The following ADCY9 variants were observed in gnomAD, a reference collection of about 807,000 sequenced individuals.
ADCY9 encodes adenylate cyclase type 9.
In ADCY9, 50 loss-of-function variants were observed where a neutral mutation model predicts 101.5. The observed-to-expected ratio is 0.49, with a 90% CI of 0.39 to 0.62. ADCY9 has a LOEUF of 0.62. ADCY9 is among the 20% of genes least tolerant of loss of function. ADCY9 has a pLI of 0.00. For missense variants in ADCY9, 1,662 were observed against 1,800.4 expected, an observed-to-expected ratio of 0.92 and a Z score of 1.39; for synonymous variants, 905 against 769.3, an observed-to-expected ratio of 1.18 and a Z score of -2.92.
intron 2 of ADCY9, among the ~76,000 whole-genome samples, chr16:4,022,624 A>T (rs1377769906): frequency 6.6e-6 from 1 of 151,564 alleles, no homozygotes; most frequent in Non-Finnish European, 1.5e-5. Flanking sequence ...ACCTGCAGCA[A>T]TTTTTTTTAA....
At chr16:4,098,259 G>C (rs1320883055) in intron 2 of ADCY9, among the ~76,000 whole-genome samples, 3 of 146,898 alleles carry the variant, frequency 2.0e-5, no homozygotes, top group African/African-American at 7.6e-5. Context: ...TTTTTTTTTT[G>C]AGACAGAATC....
At chr16:4,067,709 G>C (rs142265692) in intron 2 of ADCY9, among the ~76,000 whole-genome samples, 38 of 152,234 alleles carry the variant, frequency 2.5e-4, no homozygotes, top group African/African-American at 8.9e-4. Flanking sequence ...TCGGGAGAGG[G>C]TCAATTCAGG....
intron 3 of ADCY9, among the ~76,000 whole-genome samples, chr16:4,000,683 G>A (rs112979337): frequency 0.028 from 4,236 of 151,804 alleles, 187 homozygotes; most frequent in African/African-American, 0.096. Flanking sequence ...AGAGCCACAC[G>A]GGGCGGAGTC....
chr16:4,055,119 G>A (rs1170800449), intron 2 of ADCY9, among the ~76,000 whole-genome samples: 4 of 152,300 alleles, frequency 2.6e-5, no homozygotes, highest in African/African-American at 7.2e-5. Flanking sequence ...GGAGGTGGGA[G>A]TACAGGCCCC....
At chr16:4,077,560 G>A (rs1288526487) in intron 2 of ADCY9, among the ~76,000 whole-genome samples, 1 of 152,016 alleles carries the variant, frequency 6.6e-6, no homozygotes, top group Admixed American at 6.6e-5. Flanking sequence ...AAAAGTTACT[G>A]TAACTCCTAA....
chr16:4,093,044 A>G (rs1177835899), intron 2 of ADCY9, among the ~76,000 whole-genome samples: 1 of 150,932 alleles, frequency 6.6e-6, no homozygotes, highest in East Asian at 1.9e-4. Flanking sequence ...CCAAATAACA[A>G]GAGGCAAAAA....
chr16:3,969,404 T>C (rs1463536422), intron 10 of ADCY9, among the ~76,000 whole-genome samples: 4 of 149,086 alleles, frequency 2.7e-5, no homozygotes, highest in Non-Finnish European at 6.0e-5. Context: ...CAGCTAATTT[T>C]TGTATTTTTT....
At chr16:4,043,760 G>T (rs956599273) in intron 2 of ADCY9, among the ~76,000 whole-genome samples, 1 of 152,134 alleles carries the variant, frequency 6.6e-6, no homozygotes, top group African/African-American at 2.4e-5. Context: ...TTGCTGGAAT[G>T]AGTATATCCA....
intron 2 of ADCY9, among the ~76,000 whole-genome samples, chr16:4,066,640 C>T (rs1023306597): frequency 6.6e-6 from 1 of 152,182 alleles, no homozygotes. Context: ...CCGCCTCAGC[C>T]TCCCAAAGTG....
At chr16:4,098,167 G>C (rs985635656) in intron 2 of ADCY9, among the ~76,000 whole-genome samples, 4 of 152,038 alleles carry the variant, frequency 2.6e-5, no homozygotes, top group African/African-American at 7.2e-5. Context: ...TTGCTGGGCT[G>C]GGGGAGGACT....
intron 2 of ADCY9, among the ~76,000 whole-genome samples, chr16:4,093,775 T>C (rs1295045951): frequency 6.6e-6 from 1 of 152,026 alleles, no homozygotes; most frequent in Non-Finnish European, 1.5e-5. Flanking sequence ...ATTAATTAAT[T>C]AATTGTTTAA....
At chr16:3,985,530 C>T (rs79203794) in intron 6 of ADCY9, among the ~76,000 whole-genome samples, 5 of 152,130 alleles carry the variant, frequency 3.3e-5, no homozygotes, top group African/African-American at 7.2e-5. Flanking sequence ...ATCTAGTGCC[C>T]GTCAGGGGTT....
chr16:4,075,747 G>T (rs994113884), intron 2 of ADCY9, among the ~76,000 whole-genome samples: 1 of 152,012 alleles, frequency 6.6e-6, no homozygotes, highest in African/African-American at 2.4e-5. Context: ...CTGGGGCAGC[G>T]GGGGGGCCAG....
intron 3 of ADCY9, among the ~76,000 whole-genome samples, chr16:4,004,591 C>G (rs1259788168): frequency 6.6e-6 from 1 of 152,154 alleles, no homozygotes; most frequent in Non-Finnish European, 1.5e-5. Flanking sequence ...AATTAAAAAG[C>G]CAAAAAGAAA....
intron 2 of ADCY9, among the ~76,000 whole-genome samples, chr16:4,010,161 C>T (rs1049366924): frequency 6.6e-6 from 1 of 152,206 alleles, no homozygotes; most frequent in East Asian, 1.9e-4. Context: ...GCTCCCCATG[C>T]ACAAGGGCTG....
intron 3 of ADCY9, among the ~76,000 whole-genome samples, chr16:4,000,263 A>G (rs1165071665): frequency 1.3e-5 from 2 of 152,206 alleles, no homozygotes; most frequent in Admixed American, 6.5e-5. Flanking sequence ...CATTTTACAG[A>G]TGAGGACACT....
At chr16:4,087,254 G>T (rs1013441439) in intron 2 of ADCY9, among the ~76,000 whole-genome samples, 1 of 151,880 alleles carries the variant, frequency 6.6e-6, no homozygotes, top group Admixed American at 6.6e-5. Context: ...AACAAGGAAG[G>T]CCGGGCACGG....
chr16:4,004,147 T>C (rs2056351074), intron 3 of ADCY9, among the ~76,000 whole-genome samples: 1 of 151,222 alleles, frequency 6.6e-6, no homozygotes, highest in Non-Finnish European at 1.5e-5. Context: ...ACTCAGCAGG[T>C]TGACTTGGGA....
intron 2 of ADCY9, among the ~76,000 whole-genome samples, chr16:4,099,573 T>C (rs532534973): frequency 1.3e-5 from 2 of 152,320 alleles, no homozygotes; most frequent in East Asian, 1.9e-4. Context: ...ATGAAAGTTA[T>C]CAAAGACCAC....
Sources: gnomAD v4.1 joint callset for allele counts (sites outside exome capture counted in the v4.1 genomes callset) on GRCh38, gnomAD v4.1.1 for gene constraint, MANE v1.5 for transcripts, NCBI Gene and HGNC (gene_info 2026-07-23, HGNC 2026-07-21) for gene names.